The following ATXN7L1 variants were observed in gnomAD, a reference collection of about 807,000 sequenced individuals.
The protein encoded by ATXN7L1 is ataxin 7 like 1, also known as ataxin-7-like protein 1.
Under a neutral mutation model 70.8 loss-of-function variants are expected in ATXN7L1, and 15 were observed. That is an observed-to-expected ratio of 0.21 (90% CI 0.14 to 0.33). ATXN7L1 has a LOEUF of 0.33. ATXN7L1 is among the 10% of genes least tolerant of loss of function. The pLI is 1.00. For missense variants in ATXN7L1, 975 were observed against 1,097.1 expected (o/e 0.89, Z 1.57); for synonymous variants, 440 against 445.1 (o/e 0.99, Z 0.14).
At chr7:105,838,029 G>A in intron 2 of ATXN7L1, among the ~76,000 whole-genome samples, 1 of 152,174 alleles carries the variant, frequency 6.6e-6, no homozygotes, top group East Asian at 1.9e-4. Flanking sequence ...CTCCTTCAAG[G>A]GAGTTGGAAA....
In ATXN7L1 at chr7:105,638,420, T is replaced by C; in HGVS notation, c.1135A>G (p.Ser379Gly). 6.4e-7 allele frequency: 1 copy of C among 1,552,286 alleles called. No individual in the cohort carries two copies. The highest frequency in any genetic ancestry group is 8.7e-7 in the Non-Finnish European group (1 of 1,147,126). ...GCAACTTTTGGTTCTGGCCCAGAGC[T>C]CCCTGAAGACCCTAGCAGAGAATCC... is the stretch of plus-strand genomic sequence containing the variant. Reference protein sequence around the residue: ...AQDSLLGSSGSSGPEPKVASP... With the variant: ...AQDSLLGSSGGSGPEPKVASP... Residue 379 changes from serine to glycine, a missense_variant, in exon 7 of 12, where the codon AGC (serine) becomes GGC (glycine). Physicochemically the swap from Ser to Gly is moderately conservative, Grantham distance 56 (BLOSUM62 0). This residue lies in a region of ATXN7L1 where 635 missense variants were observed against 699.4 expected (regional missense o/e 0.91). Transcript: ENST00000419735.
chr7:105,857,687 T>A (rs928640167), intron 2 of ATXN7L1, among the ~76,000 whole-genome samples: 2 of 152,330 alleles, frequency 1.3e-5, no homozygotes, highest in South Asian at 4.1e-4. Flanking sequence ...AGAGGGTCAC[T>A]TGACTGTGTG....
intron 2 of ATXN7L1, among the ~76,000 whole-genome samples, chr7:105,859,815 C>CT (rs1405888340): frequency 7.5e-6 from 1 of 133,834 alleles, no homozygotes; most frequent in Non-Finnish European, 1.5e-5. Flanking sequence ...CAGAGTCTCG[C>CT]TCTGTTGGCC....
At chr7:105,650,180 A>G (rs1433562038) in intron 4 of ATXN7L1, among the ~76,000 whole-genome samples, 2 of 152,222 alleles carry the variant, frequency 1.3e-5, no homozygotes. Flanking sequence ...GGGGCAGGCA[A>G]TCACTAAGAA....
rs890426935 is a variant in ATXN7L1 at position 105,642,754 on chromosome 7, A to T, written c.862+84T>A. ...TAAAATGAAACAGACCTGCTTAATG[A>T]TAACAGCACATCACTCCTTCGTTAT... is the stretch of plus-strand genomic sequence containing the variant. On this transcript the variant is annotated intron_variant, in intron 5 of 11. Coordinates refer to ENST00000419735, the MANE Select transcript of ATXN7L1 (RefSeq NM_020725.2). 2.1e-6 allele frequency: 3 copies of T among 1,412,612 alleles called. No homozygotes were observed. The African/African-American group carries it at 4.3e-5, about 20-fold the overall frequency. 87.5% of individuals were successfully genotyped at this position (1,412,612 alleles called of 1,614,324 possible).
chr7:105,624,423 G>A (rs1303275773), intron 7 of ATXN7L1, among the ~76,000 whole-genome samples, 156 bp from the exon 8 acceptor site: 1 of 152,162 alleles, frequency 6.6e-6, no homozygotes, highest in Non-Finnish European at 1.5e-5. Context: ...AGGCCAAGGC[G>A]GGCAGATGAC....
At chr7:105,805,821 G>A (rs1807494855) in intron 2 of ATXN7L1, among the ~76,000 whole-genome samples, 1 of 152,162 alleles carries the variant, frequency 6.6e-6, no homozygotes, top group Non-Finnish European at 1.5e-5. Flanking sequence ...GGGTGCCACA[G>A]GTGGGTGAAT....
Position 105,727,777 on chromosome 7 carries a change from T to TATATATATATATACAC in ATXN7L1, c.355+60826_355+60827insGTGTATATATATATAT, listed in dbSNP as rs1462125950. Among the ~76,000 whole-genome samples the TATATATATATATACAC allele has an allele frequency of 4.6e-3, 413 of 90,034 alleles. 3 individuals carry two copies. Among genetic ancestry groups the TATATATATATATACAC allele is most frequent in the Non-Finnish European group, 6.1e-3 (310 of 50,932 alleles). 59.1% of individuals were successfully genotyped at this position (90,034 alleles called of 152,430 possible). On this transcript the variant is annotated intron_variant, in intron 3 of 11. Coordinates refer to ENST00000419735, the MANE Select transcript of ATXN7L1 (RefSeq NM_020725.2). ...ATATATATATATATATATATATATA[T>TATATATATATATACAC]ACACACACATACACACATATATATA...
At chr7:105,711,442 A>G (rs1464112906) in intron 3 of ATXN7L1, among the ~76,000 whole-genome samples, 1 of 152,248 alleles carries the variant, frequency 6.6e-6, no homozygotes, top group Non-Finnish European at 1.5e-5. Flanking sequence ...TAAAATCAGA[A>G]ACAAGTTAGT....
chr7:105,733,110 C>T (rs759710726), intron 3 of ATXN7L1, among the ~76,000 whole-genome samples: 6 of 152,206 alleles, frequency 3.9e-5, no homozygotes, highest in Non-Finnish European at 7.3e-5. Context: ...AAGGCGATTT[C>T]CATGAAAGCA....
At chr7:105,707,232 T>C (rs925037631) in intron 3 of ATXN7L1, among the ~76,000 whole-genome samples, 1 of 152,158 alleles carries the variant, frequency 6.6e-6, no homozygotes, top group African/African-American at 2.4e-5. Context: ...GGTTGAATTC[T>C]AAAGGGACAA....
intron 3 of ATXN7L1, among the ~76,000 whole-genome samples, chr7:105,672,679 G>A (rs906045580): frequency 6.6e-6 from 1 of 152,124 alleles, no homozygotes; most frequent in Admixed American, 6.5e-5. Context: ...CTACCACCTT[G>A]GAATCCTGGA....
intron 4 of ATXN7L1, among the ~76,000 whole-genome samples, chr7:105,647,562 G>A (rs986542578): frequency 4.6e-5 from 7 of 152,352 alleles, no homozygotes; most frequent in African/African-American, 1.4e-4. Context: ...CAGGAGAATC[G>A]CTTATACCTG....
At chr7:105,618,167 C>T (rs529478009) in intron 9 of ATXN7L1, 1 of 413,830 alleles carries the variant, frequency 2.4e-6, no homozygotes, top group Non-Finnish European at 4.8e-6. Flanking sequence ...TCAACACATT[C>T]CTTCCACGTG....
intron 3 of ATXN7L1, among the ~76,000 whole-genome samples, chr7:105,737,786 G>A (rs1384391339): frequency 6.6e-6 from 1 of 152,194 alleles, no homozygotes; most frequent in East Asian, 1.9e-4. Flanking sequence ...GCGTGGAGCT[G>A]CAGGTTCCTG....
chr7:105,612,659 G>C (rs957037431), intron 10 of ATXN7L1, among the ~76,000 whole-genome samples: 1 of 152,116 alleles, frequency 6.6e-6, no homozygotes, highest in African/African-American at 2.4e-5. Context: ...AGTGCCCTCA[G>C]CTCGAGCGAG....
chr7:105,680,765 G>A (rs890259647), intron 3 of ATXN7L1, among the ~76,000 whole-genome samples: 1 of 152,230 alleles, frequency 6.6e-6, no homozygotes, highest in African/African-American at 2.4e-5. Context: ...ACAGATGAAA[G>A]GGCAGGCCCG....
chr7:105,621,575 T>C (rs1280585078), intron 8 of ATXN7L1, among the ~76,000 whole-genome samples: 1 of 152,196 alleles, frequency 6.6e-6, no homozygotes, highest in Non-Finnish European at 1.5e-5. Flanking sequence ...GGATGAAATA[T>C]TGGCATTCAG....
At chr7:105,840,090 G>A (rs1812980036) in intron 2 of ATXN7L1, among the ~76,000 whole-genome samples, 1 of 152,196 alleles carries the variant, frequency 6.6e-6, no homozygotes, top group Non-Finnish European at 1.5e-5. Context: ...GAGAGCACAG[G>A]GACTCTGCCG....
Sources: gnomAD v4.1 joint callset for allele counts (sites outside exome capture counted in the v4.1 genomes callset) on GRCh38, gnomAD v4.1.1 for gene constraint, gnomAD v4.1.1 regional missense constraint, MANE v1.5 for transcripts, NCBI Gene and HGNC (gene_info 2026-07-23, HGNC 2026-07-21) for gene names.